ZBTB20: variants seen among roughly 807,000 people sequenced by gnomAD.
The protein encoded by ZBTB20 is zinc finger and BTB domain containing 20.
A neutral mutation model predicts 56.9 loss-of-function variants in ZBTB20; 9 were observed. That is an observed-to-expected ratio of 0.16 (90% CI 0.10 to 0.28). The LOEUF (loss-of-function observed/expected upper bound fraction) is 0.28, where lower values mean the gene tolerates loss of function less well. Ranked by LOEUF, ZBTB20 falls within the 10% of genes least tolerant of loss-of-function variation. The pLI, the probability that ZBTB20 is intolerant of heterozygous loss-of-function variation, is 1.00. For missense variants in ZBTB20, 655 were observed against 1,003.0 expected, an observed-to-expected ratio of 0.65 and a Z score of 4.69; for synonymous variants, 417 against 420.7, an observed-to-expected ratio of 0.99 and a Z score of 0.11.
At chr3:115,049,867 GTT>G (rs1303499007) in intron 2 of ZBTB20, among the ~76,000 whole-genome samples, 1 of 152,094 alleles carries the variant, frequency 6.6e-6, no homozygotes, top group African/African-American at 2.4e-5. Flanking sequence ...TGCTAGAATA[GTT>G]AAAAATAGAG....
At chr3:114,882,938 A>G (rs1015153142) in intron 4 of ZBTB20, among the ~76,000 whole-genome samples, 6 of 152,180 alleles carry the variant, frequency 3.9e-5, no homozygotes, top group Non-Finnish European at 7.4e-5. Flanking sequence ...TGAAAGGTAT[A>G]TACATGGAAG....
At chr3:115,008,308 G>T (rs2079558450) in intron 2 of ZBTB20, among the ~76,000 whole-genome samples, 1 of 151,862 alleles carries the variant, frequency 6.6e-6, no homozygotes, top group African/African-American at 2.4e-5. Context: ...AAGGGGATTT[G>T]GAAGAACCTT....
chr3:114,586,048 T>C (rs2055143333), intron 6 of ZBTB20, among the ~76,000 whole-genome samples: 1 of 152,244 alleles, frequency 6.6e-6, no homozygotes, highest in Admixed American at 6.5e-5. Flanking sequence ...TTTGTGCAAC[T>C]GGTGCGCTCC....
intron 3 of ZBTB20, among the ~76,000 whole-genome samples, chr3:114,958,778 G>A (rs138488285): frequency 2.0e-5 from 3 of 151,790 alleles, no homozygotes; most frequent in African/African-American, 7.2e-5. Flanking sequence ...AAACTAGGAA[G>A]CGGAAGAAGT....
intron 6 of ZBTB20, among the ~76,000 whole-genome samples, chr3:114,625,705 G>T (rs2058621118): frequency 6.6e-6 from 1 of 151,912 alleles, no homozygotes; most frequent in Admixed American, 6.6e-5. Flanking sequence ...TACTCAATGG[G>T]GCCAACATAG....
At chr3:114,476,906 C>A (rs2040838768) in intron 7 of ZBTB20, among the ~76,000 whole-genome samples, 1 of 152,200 alleles carries the variant, frequency 6.6e-6, no homozygotes, top group South Asian at 2.1e-4. Context: ...CCCATCATTA[C>A]CTAGTTATCT....
intron 6 of ZBTB20, among the ~76,000 whole-genome samples, chr3:114,675,088 T>G (rs2108202734): frequency 6.7e-6 from 1 of 148,422 alleles, no homozygotes; most frequent in East Asian, 1.9e-4. Context: ...ATATTATATA[T>G]ATACACAATA....
At chr3:115,001,778 T>C (rs1443213834) in intron 2 of ZBTB20, among the ~76,000 whole-genome samples, 1 of 151,456 alleles carries the variant, frequency 6.6e-6, no homozygotes, top group African/African-American at 2.4e-5. Context: ...ATATTCCATG[T>C]TCATGGATAG....
chr3:114,766,165 T>C (rs2068770386), intron 5 of ZBTB20, among the ~76,000 whole-genome samples: 2 of 151,864 alleles, frequency 1.3e-5, no homozygotes, highest in Admixed American at 1.3e-4. Context: ...ATTCTAAGTA[T>C]GAAGAATGGA....
intron 7 of ZBTB20, among the ~76,000 whole-genome samples, chr3:114,465,715 A>AAAAG (rs1181047797): frequency 6.6e-6 from 1 of 152,042 alleles, no homozygotes; most frequent in Non-Finnish European, 1.5e-5. Context: ...TTAAAAAAAA[A>AAAAG]AAAGAAAGAA....
chr3:115,003,961 G>C (rs961593999), intron 2 of ZBTB20, among the ~76,000 whole-genome samples: 1 of 151,558 alleles, frequency 6.6e-6, no homozygotes, highest in South Asian at 2.1e-4. Flanking sequence ...AGAACAAAAG[G>C]ATTCAGGTTA....
chr3:114,444,979 T>C (rs1325642550), intron 7 of ZBTB20, among the ~76,000 whole-genome samples: 1 of 152,172 alleles, frequency 6.6e-6, no homozygotes, highest in Non-Finnish European at 1.5e-5. Flanking sequence ...GAAGAGTTGG[T>C]TAACCCACTC....
intron 6 of ZBTB20, among the ~76,000 whole-genome samples, chr3:114,547,500 A>G (rs2050032071): frequency 6.6e-6 from 1 of 152,190 alleles, no homozygotes; most frequent in Non-Finnish European, 1.5e-5. Context: ...TTTAAAAATG[A>G]TCGTAGTGCT....
chr3:114,753,360 T>C lies in ZBTB20; in HGVS notation c.-343+47741A>G, dbSNP rs1167474885. Among the ~76,000 whole-genome samples the C allele has an allele frequency of 1.7e-4, 15 of 86,056 alleles. 2 individuals are homozygous for C. The East Asian group carries it at 1.9e-3, about 11-fold the overall frequency. The allele number at this position is 86,056 out of a possible 152,430, so 56.5% of individuals were successfully genotyped here. A position where few individuals can be genotyped will look rare whatever the true frequency, so the allele number is the denominator to read the frequency against. On this transcript the variant is annotated intron_variant, in intron 5 of 11. Coordinates refer to ENST00000675478, the MANE Select transcript of ZBTB20 (RefSeq NM_001348800.3). ...AATGTATATATGTATACATTATATA[T>C]AATGTATATATAATGTATATACACA...
intron 1 of ZBTB20, among the ~76,000 whole-genome samples, chr3:115,090,355 G>C (rs2083141851): frequency 6.6e-6 from 1 of 151,590 alleles, no homozygotes; most frequent in South Asian, 2.1e-4. Flanking sequence ...ATATTGAAAA[G>C]AATTTTTTTC....
chr3:114,354,711 A>G (rs556334852), intron 10 of ZBTB20, among the ~76,000 whole-genome samples: 79 of 151,694 alleles, frequency 5.2e-4, no homozygotes, highest in Non-Finnish European at 1.0e-3. Context: ...CCTCTCGAGT[A>G]GCTGGGATTA....
intron 6 of ZBTB20, among the ~76,000 whole-genome samples, chr3:114,602,364 C>G (rs1409294684): frequency 6.6e-6 from 1 of 151,942 alleles, no homozygotes; most frequent in South Asian, 2.1e-4. Context: ...TTCAGGTTCT[C>G]CCTATGATAC....
intron 6 of ZBTB20, among the ~76,000 whole-genome samples, chr3:114,690,665 C>A (rs1267594337): frequency 6.6e-6 from 1 of 152,118 alleles, no homozygotes; most frequent in Admixed American, 6.6e-5. Context: ...TCTTTCCCCC[C>A]AAACATGTTG....
intron 7 of ZBTB20, among the ~76,000 whole-genome samples, chr3:114,430,143 G>T (rs1192752422): frequency 6.6e-6 from 1 of 152,140 alleles, no homozygotes; most frequent in South Asian, 2.1e-4. Flanking sequence ...AAAATCACTA[G>T]TAGTAAAGAA....
Sources: allele counts gnomAD v4.1 joint callset (sites outside exome capture counted in the v4.1 genomes callset), GRCh38; gene constraint gnomAD v4.1.1; transcripts MANE v1.5; gene names NCBI Gene and HGNC (gene_info 2026-07-23, HGNC 2026-07-21).